The following MYH10 variants were observed in gnomAD, a reference collection of about 807,000 sequenced individuals.
MYH10 encodes the protein myosin heavy chain 10.
In MYH10, 55 loss-of-function variants were observed where a neutral mutation model predicts 257.8. The observed-to-expected ratio is 0.21, with a 90% CI of 0.17 to 0.27. The LOEUF (loss-of-function observed/expected upper bound fraction) is 0.27. Ranked by LOEUF, MYH10 falls within the 10% of genes least tolerant of loss-of-function variation. The pLI is 1.00. For missense variants in MYH10, 1,631 were observed against 2,500.6 expected, an observed-to-expected ratio of 0.65 and a Z score of 7.42; for synonymous variants, 854 against 921.7, an observed-to-expected ratio of 0.93 and a Z score of 1.33.
intron 13 of MYH10, among the ~76,000 whole-genome samples, chr17:8,544,421 T>A (rs1363546600): frequency 6.6e-6 from 1 of 152,226 alleles, no homozygotes; most frequent in Admixed American, 6.5e-5. Context: ...CACTATATCT[T>A]CTGATCGTTT....
chr17:8,588,185 A>T (rs554364859), intron 4 of MYH10, among the ~76,000 whole-genome samples: 1 of 152,004 alleles, frequency 6.6e-6, no homozygotes, highest in Admixed American at 6.6e-5. Context: ...GCTTTCTCTC[A>T]ACACATTCTT....
In MYH10 at chr17:8,592,954, TATATATATATATATATAA is replaced by T. The variant is rs530861572; in HGVS notation, c.503-3864_503-3847del. Among the ~76,000 whole-genome samples the T allele has an allele frequency of 1.1e-4, 13 of 114,694 alleles. 2 individuals are homozygous for T. The highest frequency in any genetic ancestry group is 2.1e-4 in the Non-Finnish European group (11 of 53,098). The allele number at this position is 114,694 out of a possible 152,430, so 75.2% of individuals were successfully genotyped here. A position where few individuals can be genotyped will look rare whatever the true frequency, so the allele number is the denominator to read the frequency against. The stretch of plus-strand genomic sequence containing the variant: ...CCAGCTATATATATATATATATATA[TATATATATATATATATAA>T]AAGATGATGCACAGAAAGAACAAAT... On this transcript the variant is annotated intron_variant, in intron 3 of 42. Transcript: ENST00000360416.
Position 8,552,006 on chromosome 17 carries a change from T to A in MYH10, c.919+40A>T. Reference sequence around the variant, plus strand: ...TCTCAAAAAAAAATTAAAAGAGATATTCCAGTGAATATAAAATAGTAAAAA... The same window carrying A: ...TCTCAAAAAAAAATTAAAAGAGATAATCCAGTGAATATAAAATAGTAAAAA... On this transcript the variant is annotated intron_variant, in intron 9 of 42. Transcript: ENST00000360416. This position sits in a 1 kb window ranked among gnomAD's most constrained non-coding sequence, Gnocchi z 4.8. The A allele has an allele frequency of 8.7e-7, 1 of 1,150,248 alleles. No homozygotes were observed. Among genetic ancestry groups the A allele is most frequent in the Non-Finnish European group, 1.2e-6 (1 of 832,078 alleles). 71.3% of individuals were successfully genotyped at this position (1,150,248 alleles called of 1,614,324 possible).
chr17:8,562,066 CA>C (rs1300444565), intron 7 of MYH10, among the ~76,000 whole-genome samples: 1 of 152,170 alleles, frequency 6.6e-6, no homozygotes, highest in Non-Finnish European at 1.5e-5. Flanking sequence ...TTTAACAAAA[CA>C]AAAACCTTAT....
At chr17:8,495,032 G>A (rs1459461610) in intron 31 of MYH10, 105 bp downstream of exon 31, 2 of 708,950 alleles carry the variant, frequency 2.8e-6, no homozygotes, top group Non-Finnish European at 5.0e-6. Context: ...CATAAAACTA[G>A]TAAGAGGTGA....
intron 35 of MYH10, among the ~76,000 whole-genome samples, chr17:8,489,183 C>T (rs576837175): frequency 3.3e-5 from 5 of 152,110 alleles, no homozygotes; most frequent in East Asian, 1.9e-4. Context: ...CAGTTTGGCA[C>T]GCTCCTCCAG....
Position 8,490,321 on chromosome 17 carries a change from G to A in MYH10, c.4884+19C>T. 6.2e-7 allele frequency: 1 copy of A among 1,610,924 alleles called. No homozygotes were observed. The highest frequency in any genetic ancestry group is 8.5e-7 in the Non-Finnish European group (1 of 1,179,266). Reference sequence around the variant, plus strand: ...AGAGCCTGCACCCCTTGTTGTGGAGGCCGCACCCTCTGCCCTACCTGTTTG... The same window carrying A: ...AGAGCCTGCACCCCTTGTTGTGGAGACCGCACCCTCTGCCCTACCTGTTTG... On this transcript the variant is annotated intron_variant, in intron 35 of 42. Coordinates refer to ENST00000360416, the MANE Select transcript of MYH10 (RefSeq NM_001256012.3). The surrounding 1 kb of genome is among the most constrained non-coding windows in gnomAD (Gnocchi z 4.1).
At chr17:8,600,385 G>A (rs1405299823) in intron 3 of MYH10, among the ~76,000 whole-genome samples, 1 of 152,114 alleles carries the variant, frequency 6.6e-6, no homozygotes, top group African/African-American at 2.4e-5. Flanking sequence ...TAGGAGATTG[G>A]ACTCTCTTCT....
At chr17:8,496,461 C>T (rs371936574) in intron 30 of MYH10, among the ~76,000 whole-genome samples, 18 of 152,330 alleles carry the variant, frequency 1.2e-4, no homozygotes, top group Middle Eastern at 3.4e-3. Context: ...GTCACCAGAG[C>T]GGGCAAGAGC....
chr17:8,497,980 C>CT (rs71159593), intron 30 of MYH10, among the ~76,000 whole-genome samples: 1,166 of 103,420 alleles, frequency 0.011, 82 homozygotes, highest in Non-Finnish European at 0.013. Context: ...AATACTATGC[C>CT]TTTTTTTTTT....
At chr17:8,539,223 G>A (rs1207438472) in intron 14 of MYH10, among the ~76,000 whole-genome samples, 2 of 152,132 alleles carry the variant, frequency 1.3e-5, no homozygotes, top group African/African-American at 4.8e-5. Flanking sequence ...TACTTATTCT[G>A]TTATAGTAAC....
intron 1 of MYH10, among the ~76,000 whole-genome samples, chr17:8,630,322 C>T (rs2085866297): frequency 6.6e-6 from 1 of 151,724 alleles, no homozygotes; most frequent in Non-Finnish European, 1.5e-5. Flanking sequence ...ATCCCCCAGC[C>T]CCCCAGGGGT....
rs901915139 is a variant in MYH10, at chr17:8,535,761, C to T, written c.1776G>A (p.Gly592=). Residue 592 remains glycine, a synonymous_variant, in exon 15 of 43, where the codon GGG becomes GGA. Transcript: ENST00000360416. This position sits in a 1 kb window ranked among gnomAD's most constrained non-coding sequence, Gnocchi z 4.3. ...KADFCIIHYA[G]KVDYKADEWL... ...TATTCAACATAAGAGCTCTTACCTT[C>T]CCTGCATAATGTATAATGCAAAAAT... 12 of 1,613,184 alleles carry T rather than the reference C, an allele frequency of 7.4e-6. No homozygotes were observed. Among genetic ancestry groups the T allele is most frequent in the Non-Finnish European group, 1.0e-5 (12 of 1,179,486 alleles).
intron 14 of MYH10, among the ~76,000 whole-genome samples, chr17:8,537,688 A>G (rs1216151830): frequency 6.6e-6 from 1 of 152,200 alleles, no homozygotes; most frequent in African/African-American, 2.4e-5. Context: ...ATTCTTAACC[A>G]CTTTTAATGA....
intron 17 of MYH10, among the ~76,000 whole-genome samples, chr17:8,522,072 A>G (rs984592169): frequency 6.6e-6 from 1 of 152,256 alleles, no homozygotes; most frequent in African/African-American, 2.4e-5. Context: ...ACCAGCCACA[A>G]GCAAAACATT....
intron 23 of MYH10, among the ~76,000 whole-genome samples, chr17:8,512,860 G>A (rs2081344646): frequency 6.6e-6 from 1 of 152,076 alleles, no homozygotes; most frequent in Non-Finnish European, 1.5e-5. Flanking sequence ...GTTGTCTCAA[G>A]TTACTGTGAA....
At chr17:8,581,577 C>T (rs538401876) in intron 4 of MYH10, among the ~76,000 whole-genome samples, 1 of 152,086 alleles carries the variant, frequency 6.6e-6, no homozygotes, top group Non-Finnish European at 1.5e-5. Context: ...GGTAACTCTG[C>T]TATAGAAAAT....
intron 3 of MYH10, among the ~76,000 whole-genome samples, chr17:8,589,639 A>G (rs1326300009): frequency 6.6e-6 from 1 of 152,210 alleles, no homozygotes; most frequent in Admixed American, 6.5e-5. Flanking sequence ...AAAAAGTATT[A>G]AACACTGAGT....
chr17:8,525,384 C>T (rs1432843536), intron 17 of MYH10, among the ~76,000 whole-genome samples: 1 of 152,258 alleles, frequency 6.6e-6, no homozygotes, highest in Non-Finnish European at 1.5e-5. Flanking sequence ...ATACTCAGGG[C>T]CCCGAAAGCT....
Sources: gnomAD v4.1 joint callset for allele counts (sites outside exome capture counted in the v4.1 genomes callset) on GRCh38, gnomAD v4.1.1 for gene constraint, Gnocchi (gnomAD v3.1) non-coding constraint, MANE v1.5 for transcripts, NCBI Gene and HGNC (gene_info 2026-07-23, HGNC 2026-07-21) for gene names.